The following CAST variants were observed in gnomAD, a reference collection of about 807,000 sequenced individuals.
CAST encodes the protein MIR583 host.
A neutral mutation model predicts 119.6 loss-of-function variants in CAST; 76 were observed. That is an observed-to-expected ratio of 0.64 (90% CI 0.53 to 0.77). CAST has a LOEUF of 0.77. Among genes scored for constraint, CAST ranks in the 30% least tolerant of loss-of-function variants. The probability of loss-of-function intolerance (pLI) is 0.00; values close to 1 mark genes in which losing one functional copy is unlikely to be tolerated. For missense variants in CAST, 953 were observed against 946.5 expected (o/e 1.01, Z -0.09); for synonymous variants, 319 against 331.6 (o/e 0.96, Z 0.41).
chr5:96,182,033 A>G, the CAST span, among the ~76,000 whole-genome samples: 3 of 152,370 alleles, frequency 2.0e-5, no homozygotes, highest in African/African-American at 7.2e-5. Flanking sequence ...TCTGCGTAAC[A>G]GTCAAATAAA....
intron 1 of CAST, among the ~76,000 whole-genome samples, chr5:96,534,751 A>G (rs904639380): frequency 0.044 from 1,054 of 23,952 alleles, 48 homozygotes; most frequent in African/African-American, 0.073. Flanking sequence ...GAAAGAAAGA[A>G]AGAAAGAAAG....
At chr5:96,392,365 A>G in the CAST span, 2 of 153,028 alleles carry the variant, frequency 1.3e-5, no homozygotes, top group South Asian at 4.1e-4. Context: ...CAGGCAAAGA[A>G]TGTTCGAAAA....
chr5:96,480,916 T>C, the CAST span, among the ~76,000 whole-genome samples: 5 of 152,132 alleles, frequency 3.3e-5, no homozygotes, highest in East Asian at 9.6e-4. Flanking sequence ...TCAAGTATTT[T>C]GGACATAAAG....
chr5:96,549,719 A>G (rs980913348), intron 1 of CAST, among the ~76,000 whole-genome samples: 1 of 152,260 alleles, frequency 6.6e-6, no homozygotes, highest in African/African-American at 2.4e-5. Context: ...GGTCTTCGCA[A>G]TTGGCAGACC....
chr5:96,544,852 T>C (rs1745978334), intron 1 of CAST, among the ~76,000 whole-genome samples: 2 of 151,854 alleles, frequency 1.3e-5, no homozygotes, highest in Admixed American at 6.6e-5. Context: ...CAACTATATT[T>C]CCCACAAGAA....
At chr5:96,521,652 C>A (rs1745520519), upstream of CAST, among the ~76,000 whole-genome samples, 1 of 152,192 alleles carries the variant, frequency 6.6e-6, no homozygotes, top group Non-Finnish European at 1.5e-5. Context: ...CTTTCTCTCT[C>A]CTCACTCAAT....
At chr5:96,439,705 G>C in the CAST span, among the ~76,000 whole-genome samples, 1 of 152,148 alleles carries the variant, frequency 6.6e-6, no homozygotes, top group Non-Finnish European at 1.5e-5. Flanking sequence ...CCTCGGGGTT[G>C]CTTTCTAGCA....
chr5:96,523,733 T>TGGCCCTGGGTTGCTGTTGG (rs1364613172), upstream of CAST, among the ~76,000 whole-genome samples: 1 of 152,212 alleles, frequency 6.6e-6, no homozygotes, highest in African/African-American at 2.4e-5. Context: ...GTCCACTGCA[T>TGGCCCTGGGTTGCTGTTGG]GGCCCTGGGT....
the CAST span, among the ~76,000 whole-genome samples, chr5:96,453,062 C>T: frequency 6.7e-6 from 1 of 148,718 alleles, no homozygotes; most frequent in African/African-American, 2.5e-5. Context: ...ATGATCCCTA[C>T]AGTTAAAAAG....
At chr5:96,071,986 A>G in the CAST span, among the ~76,000 whole-genome samples, 6 of 152,170 alleles carry the variant, frequency 3.9e-5, no homozygotes, top group Admixed American at 1.3e-4. Context: ...ACATTTTCCA[A>G]TGAAAGGTTT....
chr5:96,081,905 A>C, the CAST span, among the ~76,000 whole-genome samples: 1 of 152,124 alleles, frequency 6.6e-6, no homozygotes, highest in African/African-American at 2.4e-5. Context: ...GGAAAGGCAC[A>C]AAGTCTTTAT....
intron 1 of CAST, among the ~76,000 whole-genome samples, chr5:96,651,274 A>G (rs750483894): frequency 6.6e-6 from 1 of 152,234 alleles, no homozygotes; most frequent in Non-Finnish European, 1.5e-5. Flanking sequence ...TTTCTCCACC[A>G]CACTGCAGAG....
chr5:96,498,707 G>A, the CAST span, among the ~76,000 whole-genome samples: 1 of 152,170 alleles, frequency 6.6e-6, no homozygotes, highest in Non-Finnish European at 1.5e-5. Context: ...GCACCATTCA[G>A]ATTTTCCTTC....
chr5:96,418,518 T>C, the CAST span, among the ~76,000 whole-genome samples: 1 of 152,230 alleles, frequency 6.6e-6, no homozygotes, highest in Non-Finnish European at 1.5e-5. Context: ...TATTTAGTGA[T>C]TCCTCTTTTG....
chr5:96,408,595 A>T, the CAST span, among the ~76,000 whole-genome samples: 5 of 152,232 alleles, frequency 3.3e-5, no homozygotes, highest in African/African-American at 1.2e-4. Context: ...CTTTTCTGAG[A>T]TTCCCAAACG....
the CAST span, among the ~76,000 whole-genome samples, chr5:96,505,336 C>T: frequency 1.1e-4 from 16 of 151,876 alleles, no homozygotes; most frequent in South Asian, 2.1e-4. Flanking sequence ...GAACTTTAGC[C>T]GGGCATGGTG....
At chr5:96,738,957 C>T (rs577674730) in intron 11 of CAST, among the ~76,000 whole-genome samples, 7 of 148,152 alleles carry the variant, frequency 4.7e-5, no homozygotes, top group East Asian at 3.9e-4. Flanking sequence ...AAAAAAGACA[C>T]GCCATAGGCT....
the CAST span, among the ~76,000 whole-genome samples, chr5:96,497,675 G>A: frequency 1.3e-5 from 2 of 152,158 alleles, no homozygotes; most frequent in Non-Finnish European, 2.9e-5. Flanking sequence ...AGAAGTGTCT[G>A]TTCATATCCT....
At chr5:96,689,430 C>A (rs1428383681) in intron 2 of CAST, among the ~76,000 whole-genome samples, 2 of 152,094 alleles carry the variant, frequency 1.3e-5, no homozygotes, top group African/African-American at 4.8e-5. Context: ...ACTATTAATG[C>A]CCTTGTGAGA....
Sources: allele counts gnomAD v4.1 joint callset (sites outside exome capture counted in the v4.1 genomes callset), GRCh38; gene constraint gnomAD v4.1.1; transcripts MANE v1.5; gene names NCBI Gene and HGNC (gene_info 2026-07-23, HGNC 2026-07-21).